Variants in ENTHD1 observed in about 807,000 individuals in gnomAD.
The protein encoded by ENTHD1 is ENTH domain-containing protein 1.
ENTHD1 carries 23 observed loss-of-function variants against 39.1 expected under a neutral mutation model. The observed-to-expected ratio is 0.59, with a 90% CI of 0.42 to 0.83. The LOEUF (loss-of-function observed/expected upper bound fraction) is 0.83, where lower values mean the gene tolerates loss of function less well. Ranked by LOEUF, ENTHD1 falls within the 40% of genes least tolerant of loss-of-function variation. The pLI, the probability that ENTHD1 is intolerant of heterozygous loss-of-function variation, is 0.00. For missense variants in ENTHD1, 624 were observed against 705.4 expected (o/e 0.88, Z 1.31); for synonymous variants, 230 against 258.2 (o/e 0.89, Z 1.05).
intron 2 of ENTHD1, among the ~76,000 whole-genome samples, chr22:39,869,787 T>C (rs916093190): frequency 6.6e-6 from 1 of 151,948 alleles, no homozygotes; most frequent in Non-Finnish European, 1.5e-5. Flanking sequence ...ATGACTCATA[T>C]TGACAACAAG....
intron 5 of ENTHD1, among the ~76,000 whole-genome samples, chr22:39,806,410 G>T (rs2065641160): frequency 6.6e-6 from 1 of 152,198 alleles, no homozygotes; most frequent in Non-Finnish European, 1.5e-5. Flanking sequence ...AGGACTCCCA[G>T]TGTGCTGGCC....
chr22:39,755,777 T>C (rs779184610), intron 6 of ENTHD1, among the ~76,000 whole-genome samples: 1 of 152,170 alleles, frequency 6.6e-6, no homozygotes, highest in Admixed American at 6.5e-5. Context: ...ATTACACTTA[T>C]CCTATCACCA....
At chr22:39,849,317 A>C (rs909146293) in intron 3 of ENTHD1, among the ~76,000 whole-genome samples, 1 of 152,178 alleles carries the variant, frequency 6.6e-6, no homozygotes, top group Non-Finnish European at 1.5e-5. Context: ...ACATTTGGCA[A>C]TGTCTGCAGA....
chr22:39,802,073 T>C (rs2065603210), intron 5 of ENTHD1, among the ~76,000 whole-genome samples: 1 of 152,192 alleles, frequency 6.6e-6, no homozygotes, highest in Non-Finnish European at 1.5e-5. Flanking sequence ...ATCTAAAATG[T>C]AGCTCTTCAT....
At chr22:39,855,051 C>T (rs936467661) in intron 3 of ENTHD1, among the ~76,000 whole-genome samples, 7 of 152,208 alleles carry the variant, frequency 4.6e-5, no homozygotes, top group Non-Finnish European at 7.3e-5. Context: ...CTACTGTTTC[C>T]TCATTTCTAT....
chr22:39,791,798 G>A (rs1188529156), intron 5 of ENTHD1, among the ~76,000 whole-genome samples: 1 of 152,096 alleles, frequency 6.6e-6, no homozygotes, highest in Non-Finnish European at 1.5e-5. Flanking sequence ...TGTGACTTGG[G>A]TTTGGTGTAC....
At chr22:39,745,533 C>G (rs1190258472) in intron 6 of ENTHD1, among the ~76,000 whole-genome samples, 2 of 152,102 alleles carry the variant, frequency 1.3e-5, no homozygotes, top group African/African-American at 4.8e-5. Flanking sequence ...AATCACAAAA[C>G]TTTTTTGGGG....
intron 5 of ENTHD1, among the ~76,000 whole-genome samples, chr22:39,775,322 G>A (rs1281224363): frequency 6.6e-6 from 1 of 152,172 alleles, no homozygotes; most frequent in Non-Finnish European, 1.5e-5. Flanking sequence ...AACTAGCAGA[G>A]TATACCTGTA....
At chr22:39,778,095 G>A (rs12484200) in intron 5 of ENTHD1, among the ~76,000 whole-genome samples, 7 of 152,184 alleles carry the variant, frequency 4.6e-5, no homozygotes, top group East Asian at 1.9e-4. Flanking sequence ...TAATTCTGAC[G>A]TGAATTAAAT....
chr22:39,857,026 A>C (rs1404878280), intron 3 of ENTHD1, among the ~76,000 whole-genome samples: 2 of 152,210 alleles, frequency 1.3e-5, no homozygotes, highest in East Asian at 3.8e-4. Flanking sequence ...AAAAAATAAT[A>C]AATTGTAGCA....
intron 6 of ENTHD1, among the ~76,000 whole-genome samples, chr22:39,752,960 A>G (rs1443783548): frequency 3.3e-5 from 5 of 152,208 alleles, no homozygotes; most frequent in Admixed American, 3.3e-4. Flanking sequence ...GACAAAAAGG[A>G]AAAGTGCATG....
At chr22:39,846,546 T>C (rs8138923) in intron 3 of ENTHD1, among the ~76,000 whole-genome samples, 12,128 of 152,220 alleles carry the variant, frequency 0.08, 527 homozygotes, top group South Asian at 0.12. Context: ...GTGTTTTAGA[T>C]GTGAAGTCCT....
chr22:39,861,928 C>G lies in ENTHD1; in HGVS notation c.429G>C (p.Val143=). ...DEPLLCKERE[V]ACRTRQRTSH... is the part of the protein sequence containing the mutation. ...AGGTACGCTGTCTAGTCCGACATGC[C>G]ACTTCCCTCTCTTTACACAGCAATG... The change falls in exon 3 of 7, where the codon GTG becomes GTC. Residue 143 remains valine, a synonymous_variant. Coordinates refer to ENST00000325157, the MANE Select transcript of ENTHD1 (RefSeq NM_152512.4). 1 of 1,598,022 alleles carries G rather than the reference C, an allele frequency of 6.3e-7. No homozygotes were observed. The highest frequency in any genetic ancestry group is 1.7e-4 in the Middle Eastern group (1 of 5,982).
intron 3 of ENTHD1, among the ~76,000 whole-genome samples, chr22:39,855,648 C>G (rs1443552764): frequency 1.3e-5 from 2 of 151,682 alleles, no homozygotes; most frequent in African/African-American, 4.8e-5. Flanking sequence ...TTTCAATCTC[C>G]CTTCCTTTCT....
intron 6 of ENTHD1, among the ~76,000 whole-genome samples, chr22:39,760,423 T>C (rs2065223441): frequency 6.6e-6 from 1 of 152,034 alleles, no homozygotes; most frequent in East Asian, 1.9e-4. Flanking sequence ...GTCAGTTTTG[T>C]CTGGTATTAA....
In ENTHD1 at chr22:39,756,316, TCA is replaced by T. The variant is rs924008247; in HGVS notation, c.1219+8905_1219+8906del. Among the ~76,000 whole-genome samples the T allele has an allele frequency of 8.4e-4, 116 of 138,088 alleles. No homozygotes were observed. The South Asian group carries it at 0.016, about 19-fold the overall frequency. 90.6% of individuals were successfully genotyped at this position (138,088 alleles called of 152,430 possible). A position where few individuals can be genotyped will look rare whatever the true frequency, so the allele number is the denominator to read the frequency against. ...CTCTCTCTCTCTCTCTCTCTCTCTCTCACACACACACACACACACACACGCAC... is the reference window on the plus strand; with the variant it reads ...CTCTCTCTCTCTCTCTCTCTCTCTCTCACACACACACACACACACACGCAC... On this transcript the variant is annotated intron_variant, in intron 6 of 6. Coordinates refer to ENST00000325157, the MANE Select transcript of ENTHD1 (RefSeq NM_152512.4).
At chr22:39,779,136 G>T (rs1489049517) in intron 5 of ENTHD1, among the ~76,000 whole-genome samples, 1 of 152,040 alleles carries the variant, frequency 6.6e-6, no homozygotes, top group Non-Finnish European at 1.5e-5. Context: ...GGCCAACATG[G>T]TGAAACCCCA....
intron 4 of ENTHD1, among the ~76,000 whole-genome samples, chr22:39,828,649 T>C (rs1024820766): frequency 6.6e-6 from 1 of 152,250 alleles, no homozygotes; most frequent in Non-Finnish European, 1.5e-5. Context: ...ATAGTATCTC[T>C]ATCTGTTTCT....
chr22:39,750,146 TA>T, intron 6 of ENTHD1: 1 of 209,656 alleles, frequency 4.8e-6, no homozygotes, highest in Admixed American at 4.3e-5. Flanking sequence ...GGTGTTCCTA[TA>T]GATCAGGTTT....
Sources: gnomAD v4.1 joint callset for allele counts (sites outside exome capture counted in the v4.1 genomes callset) on GRCh38, gnomAD v4.1.1 for gene constraint, MANE v1.5 for transcripts, NCBI Gene and HGNC (gene_info 2026-07-23, HGNC 2026-07-21) for gene names.